POTEE: variants seen among roughly 807,000 people sequenced by gnomAD.
POTEE encodes the protein ANKRD26-like family C member 1A.
A neutral mutation model predicts 74.2 loss-of-function variants in POTEE; 21 were observed. The ratio of observed to expected loss-of-function variants is 0.28; its 90% CI spans 0.20 to 0.41. The LOEUF is 0.41. Among genes scored for constraint, POTEE ranks in the 10% least tolerant of loss-of-function variants. POTEE has a pLI of 1.00. For missense variants in POTEE, 525 were observed against 1,158.6 expected (o/e 0.45, Z 7.94); for synonymous variants, 211 against 432.8 (o/e 0.49, Z 6.36).
chr2:131,211,519 A>G (rs1700356648), intron 2 of POTEE, among the ~76,000 whole-genome samples: 1 of 19,982 alleles, frequency 5.0e-5, no homozygotes, highest in African/African-American at 1.2e-4. Context: ...TTAGGGGGTG[A>G]CTGTGTGTGT....
At chr2:131,225,400 A>G (rs7559495) in intron 6 of POTEE, among the ~76,000 whole-genome samples, 8 of 151,754 alleles carry the variant, frequency 5.3e-5, no homozygotes, top group Admixed American at 2.6e-4. Flanking sequence ...CAACAACGAC[A>G]ACAACAACAA....
chr2:131,230,753 A>G, intron 8 of POTEE, 83 bp from the exon 9 acceptor site: 7 of 1,499,708 alleles, frequency 4.7e-6, no homozygotes, highest in Non-Finnish European at 6.3e-6. Context: ...TGTTTGAAAT[A>G]CTCTTAATAA....
intron 8 of POTEE, chr2:131,229,558 C>A (rs1358899240): frequency 6.6e-6 from 1 of 152,180 alleles, no homozygotes; most frequent in Admixed American, 6.5e-5. Context: ...TTCACAGAGC[C>A]AAGCCTTGTC....
Position 131,264,109 on chromosome 2 carries a change from T to C in POTEE, c.2654T>C (p.Leu885Pro), listed in dbSNP as rs1701823536. The C allele has an allele frequency of 6.2e-7, 1 of 1,614,274 alleles. No homozygotes were observed. Among genetic ancestry groups the C allele is most frequent in the South Asian group, 1.1e-5 (1 of 91,090 alleles). Reference sequence around the variant, plus strand: ...CGCCTAGACCTGGCTGGGCGGGAACTGCCTGACTACCTCATGAAGATCCTC... The same window carrying C: ...CGCCTAGACCTGGCTGGGCGGGAACCGCCTGACTACCTCATGAAGATCCTC... ...TLRLDLAGRE[L>P]PDYLMKILTE... Residue 885 changes from leucine to proline, a missense_variant, in exon 18 of 18, where the codon CTG becomes CCG. Leu to Pro is a moderately conservative substitution (Grantham distance 98). Transcript: ENST00000683005.
chr2:131,226,869 A>C lies in POTEE; in HGVS notation c.857A>C (p.Gln286Pro). ...LLLGVHEQKQ[Q>P]VVKFLIKKKA... ...CTTGGTGTACATGAGCAAAAACAGC[A>C]AGTCGTGAAATTTTTAATCAAGAAA... is the stretch of plus-strand genomic sequence containing the variant. The change falls in exon 7 of 18, where the codon CAA becomes CCA. Residue 286 changes from glutamine to proline, a missense_variant. Gln to Pro is a moderately conservative substitution (Grantham distance 76). Transcript: ENST00000683005. 1 of 1,611,820 alleles carries C rather than the reference A, an allele frequency of 6.2e-7. No homozygotes were observed. Among genetic ancestry groups the C allele is most frequent in the Non-Finnish European group, 8.5e-7 (1 of 1,179,678 alleles).
Position 131,218,853 on chromosome 2 carries a change from A to G in POTEE, c.451A>G (p.Lys151Glu). The G allele has an allele frequency of 6.2e-7, 1 of 1,613,036 alleles. No individual in the cohort carries two copies. Among genetic ancestry groups the G allele is most frequent in the East Asian group, 2.2e-5 (1 of 44,880 alleles). Residue 151 changes from lysine (K) to glutamate (E), a missense_variant, in exon 4 of 18, where the codon AAA (lysine) becomes GAA (glutamate). Lys to Glu is a moderately conservative substitution (Grantham distance 56). Transcript: ENST00000683005. ...GCTCCACAGAGCTGCCTGGTGGGGT[A>G]AAGTCCCCAGAAAGGATCTCATCGT... ...DKLHRAAWWG[K>E]VPRKDLIVML...
At chr2:131,247,850 GTGCTGTTGTC>G (rs1701381235) in intron 13 of POTEE, among the ~76,000 whole-genome samples, 1 of 41,432 alleles carries the variant, frequency 2.4e-5, no homozygotes, top group Non-Finnish European at 4.9e-5. Flanking sequence ...CTACTTAACC[GTGCTGTTGTC>G]TGCTGTTGTA....
intron 16 of POTEE, among the ~76,000 whole-genome samples, chr2:131,255,568 T>TTG (rs1395090998): frequency 9.4e-4 from 25 of 26,470 alleles, no homozygotes; most frequent in African/African-American, 3.6e-3. Flanking sequence ...TCTCATAGTT[T>TTG]TTTTTTTTTT....
intron 1 of POTEE, among the ~76,000 whole-genome samples, chr2:131,210,606 G>A (rs1212641783): frequency 1.1e-4 from 17 of 152,028 alleles, no homozygotes; most frequent in Admixed American, 8.5e-4. Flanking sequence ...GCGGTTCTCC[G>A]GCCTGCACCT....
intron 3 of POTEE, among the ~76,000 whole-genome samples, 76 bp downstream of exon 3, chr2:131,217,759 C>T (rs970215633): frequency 1.8e-4 from 2 of 11,248 alleles, no homozygotes; most frequent in South Asian, 2.7e-3. Context: ...GCACGCCGCA[C>T]GCCGCACGCG....
At chr2:131,211,233 C>T (rs1332852453) in intron 2 of POTEE, among the ~76,000 whole-genome samples, 50 bp downstream of exon 2, 1 of 151,910 alleles carries the variant, frequency 6.6e-6, no homozygotes, top group African/African-American at 2.4e-5. Context: ...GTAGGGTGGG[C>T]TGCTGCATTG....
chr2:131,263,953 ACGTGGCCATCCAGGC>A lies in POTEE; in HGVS notation c.2503_2517del (p.Ala835_Val839del). ...GAGACCTTCAACACCCCAGCCATGT[ACGTGGCCATCCAGGC>A]CGTGCCGTCCCTGTACACCTCTGGC... On this transcript the variant is annotated inframe_deletion, in exon 18 of 18. Coordinates refer to ENST00000683005, the MANE Select transcript of POTEE (RefSeq NM_001083538.3). 1.9e-6 allele frequency: 3 copies of A among 1,614,178 alleles called. No individual in the cohort carries two copies. Among genetic ancestry groups the A allele is most frequent in the South Asian group, 1.1e-5 (1 of 91,078 alleles).
chr2:131,232,699 C>G lies in POTEE; in HGVS notation c.1126+1793C>G, dbSNP rs944478303. Reference sequence around the variant, plus strand: ...GAACAGTGGCTAAAACAGTAGGAACCAGAGTTGTTTTGGTTGTTCATTGAT... The same window carrying G: ...GAACAGTGGCTAAAACAGTAGGAACGAGAGTTGTTTTGGTTGTTCATTGAT... On this transcript the variant is annotated intron_variant, in intron 9 of 17. Coordinates refer to ENST00000683005, the MANE Select transcript of POTEE (RefSeq NM_001083538.3). Among the ~76,000 whole-genome samples the G allele has an allele frequency of 4.6e-5, 7 of 150,740 alleles. No individual in the cohort carries two copies. The South Asian group carries it at 1.0e-3, about 23-fold the overall frequency.
rs1345066511 is a variant in POTEE at position 131,211,132 on chromosome 2, C to G, written c.-240C>G. ...GCCTGCATGTGGCGTGACTCTGCAGCTCGCCTCGTGTGACTGATGGCAGCC... is the reference window on the plus strand; with the variant it reads ...GCCTGCATGTGGCGTGACTCTGCAGGTCGCCTCGTGTGACTGATGGCAGCC... On this transcript the variant is annotated 5_prime_UTR_variant, in exon 2 of 18. Transcript: ENST00000683005. 6.6e-6 allele frequency among the ~76,000 whole-genome samples: 1 copy of G among 151,800 alleles called. No individual in the cohort carries two copies. The highest frequency in any genetic ancestry group is 1.5e-5 in the Non-Finnish European group (1 of 68,008).
chr2:131,237,343 G>A (rs1355509854), intron 10 of POTEE, among the ~76,000 whole-genome samples: 4 of 151,910 alleles, frequency 2.6e-5, no homozygotes, highest in Admixed American at 2.6e-4. Context: ...TGATACCAAG[G>A]TTAAAAATAT....
intron 2 of POTEE, among the ~76,000 whole-genome samples, chr2:131,214,233 G>A (rs1573692422): frequency 6.6e-6 from 1 of 152,270 alleles, no homozygotes; most frequent in African/African-American, 2.4e-5. Flanking sequence ...CCTCTGTTTT[G>A]CCTTGCGTTG....
At chr2:131,215,444 T>C (rs1700427649) in intron 2 of POTEE, among the ~76,000 whole-genome samples, 1 of 152,092 alleles carries the variant, frequency 6.6e-6, no homozygotes, top group South Asian at 2.1e-4. Context: ...TGTGCAATTA[T>C]AGTCTTTACA....
intron 9 of POTEE, among the ~76,000 whole-genome samples, chr2:131,235,756 T>C (rs948419337): frequency 8.0e-6 from 1 of 125,050 alleles, no homozygotes; most frequent in African/African-American, 3.1e-5. Context: ...ATTGCGCCAC[T>C]GCACTCCAGC....
At chr2:131,219,526 A>C (rs1700549749) in intron 4 of POTEE, among the ~76,000 whole-genome samples, 1 of 152,180 alleles carries the variant, frequency 6.6e-6, no homozygotes, top group South Asian at 2.1e-4. Context: ...CGAGGTCAGG[A>C]GATCGAGACC....
Sources: gnomAD v4.1 joint callset for allele counts (sites outside exome capture counted in the v4.1 genomes callset) on GRCh38, gnomAD v4.1.1 for gene constraint, MANE v1.5 for transcripts, NCBI Gene and HGNC (gene_info 2026-07-23, HGNC 2026-07-21) for gene names.